Variants in FMN2 observed in about 807,000 individuals in gnomAD.
FMN2 encodes the protein formin-2.
A neutral mutation model predicts 142.3 loss-of-function variants in FMN2; 51 were observed. The ratio of observed to expected loss-of-function variants is 0.36; its 90% CI spans 0.29 to 0.45. FMN2 has a LOEUF of 0.45. Ranked by LOEUF, FMN2 falls within the 20% of genes least tolerant of loss-of-function variation. The pLI is 1.00. For missense variants in FMN2, 1,936 were observed against 2,122.8 expected, an observed-to-expected ratio of 0.91 and a Z score of 1.73; for synonymous variants, 882 against 869.8, an observed-to-expected ratio of 1.01 and a Z score of -0.25.
At chr1:240,289,256 C>G (rs1669693552) in intron 7 of FMN2, among the ~76,000 whole-genome samples, 1 of 152,200 alleles carries the variant, frequency 6.6e-6, no homozygotes, top group South Asian at 2.1e-4. Flanking sequence ...AGAGACTGCT[C>G]CAGTCCTGTC....
intron 6 of FMN2, among the ~76,000 whole-genome samples, chr1:240,246,867 C>G (rs1355969736): frequency 6.6e-6 from 1 of 152,176 alleles, no homozygotes; most frequent in Non-Finnish European, 1.5e-5. Flanking sequence ...TTATAGATTT[C>G]AAATGTGTTA....
At chr1:240,267,434 C>T (rs969649039) in intron 7 of FMN2, among the ~76,000 whole-genome samples, 2 of 151,592 alleles carry the variant, frequency 1.3e-5, no homozygotes, top group East Asian at 1.9e-4. Context: ...AGCTTAATGA[C>T]GAGAACACGT....
chr1:240,122,785 GCTCACACCTATAAATC>G (rs1195696025), intron 1 of FMN2, among the ~76,000 whole-genome samples: 2 of 152,108 alleles, frequency 1.3e-5, no homozygotes, highest in African/African-American at 4.8e-5. Flanking sequence ...GGGCGTGGTG[GCTCACACCTATAAATC>G]TAGCCACTCA....
rs374165127 is a variant in FMN2 at position 240,329,096 on chromosome 1, C to T, written c.4236C>T (p.Leu1412=). ...LYENRAQSDE[L]EKIEKHGRSS... The stretch of plus-strand genomic sequence containing the variant: ...TCTAGAGAGCACAGTCAGACGAACT[C>T]GAAAAAATAGAAAAGCATGGCCGAT... The change falls in exon 9 of 18, where the codon CTC becomes CTT. Residue 1412 remains leucine (L), a synonymous_variant. Transcript: ENST00000319653. The T allele has an allele frequency of 1.4e-4, 232 of 1,613,850 alleles. 1 individual carries two copies. The highest frequency in any genetic ancestry group is 1.7e-4 in the Non-Finnish European group (204 of 1,179,966).
intron 6 of FMN2, chr1:240,245,499 C>T (rs555347269): frequency 4.2e-6 from 2 of 471,292 alleles, no homozygotes; most frequent in Non-Finnish European, 8.8e-6. Context: ...GTCCTGATGA[C>T]TGGAGATCAT....
chr1:240,215,104 A>G (rs141143910), intron 6 of FMN2, among the ~76,000 whole-genome samples: 2 of 152,288 alleles, frequency 1.3e-5, no homozygotes, highest in East Asian at 3.9e-4. Context: ...TTAGCAGGAA[A>G]GTGAGAGAAT....
At chr1:240,290,396 CT>C (rs1669740040) in intron 7 of FMN2, among the ~76,000 whole-genome samples, 1 of 152,144 alleles carries the variant, frequency 6.6e-6, no homozygotes, top group Non-Finnish European at 1.5e-5. Context: ...GTGAAATTAA[CT>C]TTTAACTATT....
intron 6 of FMN2, among the ~76,000 whole-genome samples, chr1:240,217,611 C>G (rs969123770): frequency 6.6e-6 from 1 of 151,962 alleles, no homozygotes; most frequent in African/African-American, 2.4e-5. Flanking sequence ...TATAATTAGA[C>G]AAGCATAGGT....
chr1:240,389,831 C>CCTG (rs2103094672), intron 14 of FMN2, among the ~76,000 whole-genome samples: 1 of 152,128 alleles, frequency 6.6e-6, no homozygotes, highest in East Asian at 1.9e-4. Context: ...GTTGGCATAC[C>CCTG]CTGTAATCCC....
chr1:240,343,885 C>T (rs1392395110), intron 13 of FMN2, among the ~76,000 whole-genome samples: 4 of 151,916 alleles, frequency 2.6e-5, no homozygotes, highest in South Asian at 2.1e-4. Context: ...TTGATTGGGT[C>T]GGCGGGGAGT....
At chr1:240,160,348 G>A (rs1664228192) in intron 2 of FMN2, among the ~76,000 whole-genome samples, 2 of 151,516 alleles carry the variant, frequency 1.3e-5, no homozygotes, top group Non-Finnish European at 2.9e-5. Context: ...TGCAAGGCTG[G>A]TTTAATATTT....
intron 7 of FMN2, among the ~76,000 whole-genome samples, chr1:240,293,024 G>A (rs919418778): frequency 1.3e-5 from 2 of 152,078 alleles, no homozygotes; most frequent in Non-Finnish European, 2.9e-5. Flanking sequence ...GAGATTTCAT[G>A]GGTTAGGACC....
intron 3 of FMN2, among the ~76,000 whole-genome samples, chr1:240,178,431 CCTTCTT>C (rs796070816): frequency 6.0e-5 from 9 of 149,372 alleles, no homozygotes; most frequent in Non-Finnish European, 1.0e-4. Flanking sequence ...TTTTTTCCCC[CCTTCTT>C]CTTCTTCTTC....
intron 16 of FMN2, among the ~76,000 whole-genome samples, chr1:240,441,503 T>G (rs987185861): frequency 2.6e-5 from 4 of 152,130 alleles, no homozygotes; most frequent in African/African-American, 9.7e-5. Context: ...ACCTCTGTAC[T>G]CCTATCCTAT....
In FMN2 at chr1:240,361,132, AATATATGTGTATATATATATATATAT is replaced by A. The variant is rs1438807586; in HGVS notation, c.4858+5231_4858+5256del. Among the ~76,000 whole-genome samples, 184 of 35,736 alleles carry A rather than the reference AATATATGTGTATATATATATATATAT, an allele frequency of 5.1e-3. 1 individual carries two copies. The highest frequency in any genetic ancestry group is 9.5e-3 in the African/African-American group (178 of 18,734). The allele number at this position is 35,736 out of a possible 152,430, so 23.4% of individuals were successfully genotyped here. On this transcript the variant is annotated intron_variant, in intron 14 of 17. Coordinates refer to ENST00000319653, the MANE Select transcript of FMN2 (RefSeq NM_020066.5). ...ACTTAAAGTATAATAATAATAAATA[AATATATGTGTATATATATATATATAT>A]ATATATATATATATATATATATATA...
At chr1:240,098,646 A>G (rs1259320713) in intron 1 of FMN2, among the ~76,000 whole-genome samples, 2 of 152,200 alleles carry the variant, frequency 1.3e-5, no homozygotes, top group African/African-American at 4.8e-5. Flanking sequence ...ACTGGGTTCC[A>G]TATATCAGAG....
intron 15 of FMN2, among the ~76,000 whole-genome samples, chr1:240,413,358 G>T (rs978850187): frequency 2.0e-5 from 3 of 151,714 alleles, no homozygotes; most frequent in African/African-American, 7.3e-5. Context: ...CGGTGAGGAA[G>T]GGTGGGTTAA....
intron 16 of FMN2, among the ~76,000 whole-genome samples, chr1:240,465,236 C>T (rs1206887498): frequency 6.6e-6 from 1 of 152,078 alleles, no homozygotes; most frequent in Admixed American, 6.6e-5. Flanking sequence ...GAGAGAAAGA[C>T]TCACAGCTCC....
At chr1:240,415,259 A>G (rs1674539441) in intron 15 of FMN2, among the ~76,000 whole-genome samples, 1 of 152,170 alleles carries the variant, frequency 6.6e-6, no homozygotes, top group Non-Finnish European at 1.5e-5. Context: ...GCTGGAAACC[A>G]TCATTCTCAG....
Sources: gnomAD v4.1 joint callset for allele counts (sites outside exome capture counted in the v4.1 genomes callset) on GRCh38, gnomAD v4.1.1 for gene constraint, MANE v1.5 for transcripts, NCBI Gene and HGNC (gene_info 2026-07-23, HGNC 2026-07-21) for gene names.